NOD2: variants seen among roughly 807,000 people sequenced by gnomAD.
NOD2 encodes nucleotide-binding oligomerization domain-containing protein 2.
Under a neutral mutation model 90.9 loss-of-function variants are expected in NOD2, and 86 were observed. That is an observed-to-expected ratio of 0.95 (90% CI 0.79 to 1.13). The LOEUF (loss-of-function observed/expected upper bound fraction) is 1.13, where lower values mean the gene tolerates loss of function less well. NOD2 is among the 50% of genes most tolerant of loss of function. The pLI is 0.00. For synonymous variants in NOD2, 581 were observed against 554.6 expected, an observed-to-expected ratio of 1.05 and a Z score of -0.67; for missense variants, 1,238 against 1,283.8, an observed-to-expected ratio of 0.96 and a Z score of 0.55.
At chr16:50,714,602 C>CTGTGTGTGTGTGTGTGTGTG (rs67559630) in intron 4 of NOD2, among the ~76,000 whole-genome samples, 1 of 135,896 alleles carries the variant, frequency 7.4e-6, no homozygotes, top group Non-Finnish European at 1.6e-5. Flanking sequence ...TGTGAGTGCA[C>CTGTGTGTGTGTGTGTGTGTG]TGTGTGTGTG....
chr16:50,729,471 T>A (rs1278755916), intron 10 of NOD2, among the ~76,000 whole-genome samples: 2 of 152,126 alleles, frequency 1.3e-5, no homozygotes, highest in Non-Finnish European at 2.9e-5. Context: ...ATTTTACCAA[T>A]GAGGAGATTG....
At chr16:50,720,836 A>G (rs913215720) in intron 7 of NOD2, among the ~76,000 whole-genome samples, 1 of 151,888 alleles carries the variant, frequency 6.6e-6, no homozygotes, top group African/African-American at 2.4e-5. Context: ...ATGTAGTCTC[A>G]CTCTGTTGCC....
intron 4 of NOD2, chr16:50,712,713 G>A: frequency 2.7e-6 from 1 of 370,232 alleles, no homozygotes; most frequent in Non-Finnish European, 5.1e-6. Flanking sequence ...CCAGGAAATG[G>A]CAGAGCTGGG....
Position 50,722,725 on chromosome 16 carries a change from C to T in NOD2, c.2717+20C>T, listed in dbSNP as rs754041805. The T allele has an allele frequency of 6.2e-7, 1 of 1,611,866 alleles. No individual in the cohort carries two copies. Among genetic ancestry groups the T allele is most frequent in the South Asian group, 1.1e-5 (1 of 91,026 alleles). ...GCTCAGGTAAGCTTCAGAGTCTATC[C>T]TGCAGTTTTCTTGGGGAGATCAGGT... is the stretch of plus-strand genomic sequence containing the variant. On this transcript the variant is annotated intron_variant, in intron 8 of 11. Transcript: ENST00000647318.
intron 2 of NOD2, among the ~76,000 whole-genome samples, chr16:50,703,378 G>T (rs867860038): frequency 1.3e-5 from 2 of 152,158 alleles, no homozygotes; most frequent in South Asian, 4.1e-4. Context: ...AGTGGCTCAA[G>T]CCTTTAATCC....
chr16:50,715,465 G>C (rs1034293488), intron 4 of NOD2: 10 of 152,010 alleles, frequency 6.6e-5, no homozygotes, highest in African/African-American at 2.4e-4. Context: ...GCCCAGGCAG[G>C]GGGTACAGTG....
chr16:50,716,490 C>T, intron 4 of NOD2, 97 bp from the exon 5 acceptor site: 3 of 1,169,676 alleles, frequency 2.6e-6, no homozygotes, highest in Non-Finnish European at 3.7e-6. Flanking sequence ...CAGATGCTGG[C>T]ACTTCAGGGA....
intron 1 of NOD2, among the ~76,000 whole-genome samples, chr16:50,695,151 T>C (rs894282796): frequency 1.2e-5 from 1 of 84,096 alleles, no homozygotes; most frequent in Non-Finnish European, 2.3e-5. Context: ...GGGTGGAGAA[T>C]GGATCATGGG....
intron 2 of NOD2, among the ~76,000 whole-genome samples, chr16:50,703,466 C>T (rs539422740): frequency 3.3e-5 from 5 of 152,000 alleles, no homozygotes; most frequent in African/African-American, 7.2e-5. Flanking sequence ...GGAGAAACCC[C>T]GTCTCTACTA....
rs1290958571 is a variant in NOD2, at chr16:50,712,338, G to C, written c.2346G>C (p.Gln782His). The change falls in exon 4 of 12, where the codon CAG (glutamine) becomes CAC (histidine). Residue 782 changes from glutamine to histidine, a missense_variant. Gln to His is a conservative substitution (Grantham distance 24). Around this residue, in one of 3 missense-constraint regions of NOD2, gnomAD observed 667 missense variants for 688.7 expected, o/e 0.97. Coordinates refer to ENST00000647318, the MANE Select transcript of NOD2 (RefSeq NM_001370466.1). ...YNSVGDIGVE[Q>H]LLPCLGVCKA... ...CTGTGGGTGACATTGGCGTGGAGCA[G>C]CTGCTGCCTTGCCTTGGTGTCTGCA... 6.2e-7 allele frequency: 1 copy of C among 1,613,900 alleles called. No individual in the cohort carries two copies. Among genetic ancestry groups the C allele is most frequent in the African/African-American group, 1.3e-5 (1 of 74,956 alleles).
intron 2 of NOD2, among the ~76,000 whole-genome samples, chr16:50,706,898 A>G (rs1375967684): frequency 6.6e-6 from 1 of 151,928 alleles, no homozygotes; most frequent in African/African-American, 2.4e-5. Context: ...GGGTTTCACC[A>G]TGTTGTCCAG....
At chr16:50,725,653 C>T (rs376403778) in intron 10 of NOD2, 81 bp downstream of exon 10, 1 of 1,064,750 alleles carries the variant, frequency 9.4e-7, no homozygotes, top group Non-Finnish European at 1.5e-6. Context: ...CTGGGCCGCT[C>T]TCCGCTGGGC....
At chr16:50,721,623 G>A (rs534230339) in intron 7 of NOD2, among the ~76,000 whole-genome samples, 2 of 152,196 alleles carry the variant, frequency 1.3e-5, no homozygotes, top group East Asian at 3.9e-4. Flanking sequence ...CTCCTGAGTA[G>A]CTGGGACTAC....
chr16:50,710,926 A>G lies in NOD2; in HGVS notation c.934A>G (p.Met312Val). The G allele has an allele frequency of 6.2e-7, 1 of 1,614,150 alleles. No individual in the cohort carries two copies. The highest frequency in any genetic ancestry group is 8.5e-7 in the Non-Finnish European group (1 of 1,180,038). The change falls in exon 4 of 12, where the codon ATG becomes GTG. Residue 312 changes from methionine (M) to valine (V), a missense_variant. Met to Val is a conservative substitution (Grantham distance 21). Around this residue, in one of 3 missense-constraint regions of NOD2, gnomAD observed 567 missense variants for 577.3 expected, o/e 0.98. Transcript: ENST00000647318. ...FPFSCRQLQC[M>V]AKPLSVRTLL... ...ATTCAGCTGCCGGCAGCTGCAGTGC[A>G]TGGCCAAACCACTCTCTGTGCGGAC...
At chr16:50,713,863 G>T (rs578000699) in intron 4 of NOD2, among the ~76,000 whole-genome samples, 1 of 152,202 alleles carries the variant, frequency 6.6e-6, no homozygotes, top group Non-Finnish European at 1.5e-5. Flanking sequence ...ACCCATCAGG[G>T]AGGCCGAGTG....
intron 10 of NOD2, among the ~76,000 whole-genome samples, chr16:50,729,379 T>C (rs546447928): frequency 6.6e-6 from 1 of 152,182 alleles, no homozygotes; most frequent in South Asian, 2.1e-4. Context: ...AGGAGATGGA[T>C]GGTGGATGTG....
At chr16:50,713,280 C>A (rs16948773) in intron 4 of NOD2, 1 of 152,176 alleles carries the variant, frequency 6.6e-6, no homozygotes, top group East Asian at 1.9e-4. Context: ...TGGGCTACAC[C>A]TGGATGACCT....
chr16:50,694,674 C>T (rs1963561882), intron 1 of NOD2, among the ~76,000 whole-genome samples: 1 of 152,216 alleles, frequency 6.6e-6, no homozygotes, highest in African/African-American at 2.4e-5. Context: ...ACAGATTCTA[C>T]ACCTTGGTTC....
In NOD2 at chr16:50,710,819, G is replaced by A; in HGVS notation, c.827G>A (p.Ser276Asn). The change falls in exon 4 of 12, where the codon AGT becomes AAT. Residue 276 changes from serine to asparagine, a missense_variant. This residue lies in a region of NOD2 where 567 missense variants were observed against 577.3 expected (regional missense o/e 0.98). Transcript: ENST00000647318. The part of the protein sequence containing the change: ...DTVLVVGEAG[S>N]GKSTLLQRLH... ...GTGCTGGTGGTGGGTGAGGCGGGCA[G>A]TGGCAAGAGCACGCTCCTGCAGCGG... is the stretch of plus-strand genomic sequence containing the variant. 1 of 1,614,138 alleles carries A rather than the reference G, an allele frequency of 6.2e-7. No individual in the cohort carries two copies. The highest frequency in any genetic ancestry group is 2.2e-5 in the East Asian group (1 of 44,880).
Sources: gnomAD v4.1 joint callset for allele counts (sites outside exome capture counted in the v4.1 genomes callset) on GRCh38, gnomAD v4.1.1 for gene constraint, gnomAD v4.1.1 regional missense constraint, MANE v1.5 for transcripts, NCBI Gene and HGNC (gene_info 2026-07-23, HGNC 2026-07-21) for gene names.